Variants in ARMC5 observed in about 807,000 individuals in gnomAD.
The protein encoded by ARMC5 is armadillo repeat-containing protein 5.
In ARMC5, 28 loss-of-function variants were observed where a neutral mutation model predicts 60.5. That is an observed-to-expected ratio of 0.46 (90% CI 0.34 to 0.63). The LOEUF (loss-of-function observed/expected upper bound fraction) is 0.63. Among genes scored for constraint, ARMC5 ranks in the 30% least tolerant of loss-of-function variants. The pLI is 0.01. For missense variants in ARMC5, 1,189 were observed against 1,304.9 expected (o/e 0.91, Z 1.37); for synonymous variants, 680 against 607.3 (o/e 1.12, Z -1.76).
chr16:31,459,572 C>T lies in ARMC5; in HGVS notation c.48C>T (p.Leu16=), dbSNP rs1326597182. The T allele has an allele frequency of 2.5e-6, 4 of 1,604,722 alleles. No individual in the cohort carries two copies. The highest frequency in any genetic ancestry group is 3.4e-6 in the Non-Finnish European group (4 of 1,179,360). The part of the protein sequence containing the change: ...PTLTDSLSFC[L]AQLAAAAGEA... ...TCACGGACTCGCTCTCGTTCTGCCT[C>T]GCGCAGCTCGCGGCGGCGGCCGGGG... Residue 16 remains leucine (L), a synonymous_variant, in exon 1 of 6, where the codon CTC becomes CTT. Coordinates refer to ENST00000268314, the MANE Select transcript of ARMC5 (RefSeq NM_001105247.2).
At position 31,464,916 on chromosome 16, in the gene ARMC5, GC is replaced by G. The variant is rs768159977; in HGVS notation, c.1864+34del. The G allele has an allele frequency of 3.1e-6, 5 of 1,609,604 alleles. No individual in the cohort carries two copies. The South Asian group carries it at 4.4e-5, about 14-fold the overall frequency. On this transcript the variant is annotated intron_variant, in intron 4 of 5. Coordinates refer to ENST00000268314, the MANE Select transcript of ARMC5 (RefSeq NM_001105247.2). The surrounding 1 kb of genome is among the most constrained non-coding windows in gnomAD (Gnocchi z 7.6). ...AGTTCCCATACCCACCCGTCTCCTTGCCCCCATGTGAGTCCCCATCCTCCCC... is the reference window on the plus strand; with the variant it reads ...AGTTCCCATACCCACCCGTCTCCTTGCCCCATGTGAGTCCCCATCCTCCCC...
In ARMC5 at chr16:31,466,700, C is replaced by A; in HGVS notation, c.2619C>A (p.Phe873Leu). The A allele has an allele frequency of 6.4e-7, 1 of 1,561,416 alleles. No individual in the cohort carries two copies. Among genetic ancestry groups the A allele is most frequent in the Non-Finnish European group, 8.7e-7 (1 of 1,153,572 alleles). The part of the protein sequence containing the change: ...QGGPESVGEV[F>L]RLGRPRLAAH... ...GCCCGGAGTCAGTGGGTGAGGTGTT[C>A]CGCCTGGGCCGGCCCCGGCTGGCTG... is the stretch of plus-strand genomic sequence containing the variant. The change falls in exon 6 of 6, where the codon TTC becomes TTA. Residue 873 changes from phenylalanine to leucine, a missense_variant. Phe to Leu is a conservative substitution (Grantham distance 22, BLOSUM62 0). Transcript: ENST00000268314. This position sits in a 1 kb window ranked among gnomAD's most constrained non-coding sequence, Gnocchi z 8.0.
Position 31,459,670 on chromosome 16 carries a change from C to T in ARMC5, c.146C>T (p.Thr49Met). ...PLSRALLALR[T>M]RHIKAAGGIE... Reference sequence around the variant, plus strand: ...AGCCGCGCGCTCCTAGCCCTCCGCACGCGCCACATCAAGGCAGCGGGGGGA... The same window carrying T: ...AGCCGCGCGCTCCTAGCCCTCCGCATGCGCCACATCAAGGCAGCGGGGGGA... The change falls in exon 1 of 6, where the codon ACG becomes ATG. Residue 49 changes from threonine (T) to methionine (M), a missense_variant. Thr to Met is a moderately conservative substitution (Grantham distance 81). Transcript: ENST00000268314. 6.3e-7 allele frequency: 1 copy of T among 1,579,674 alleles called. No homozygotes were observed.
intron 4 of ARMC5, 173 bp from the exon 5 acceptor site, chr16:31,465,677 C>T (rs1327033823): frequency 7.6e-6 from 11 of 1,439,374 alleles, no homozygotes; most frequent in Non-Finnish European, 1.0e-5. Flanking sequence ...ACCTTCTGTC[C>T]TTGTCCTGGA....
In ARMC5 at chr16:31,459,809, G is replaced by T; in HGVS notation, c.285G>T (p.Ser95=). 6.5e-7 allele frequency: 1 copy of T among 1,540,840 alleles called. No homozygotes were observed. Among genetic ancestry groups the T allele is most frequent in the Non-Finnish European group, 8.7e-7 (1 of 1,150,008 alleles). Residue 95 remains serine, a synonymous_variant, in exon 1 of 6, where the codon TCG becomes TCT. Coordinates refer to ENST00000268314, the MANE Select transcript of ARMC5 (RefSeq NM_001105247.2). Reference sequence around the variant, plus strand: ...CAGGCCCCGGCTCCGCCCCCTCGTCGGCCGCGTCGGGAGCTTCTAGCCCCG... The same window carrying T: ...CAGGCCCCGGCTCCGCCCCCTCGTCTGCCGCGTCGGGAGCTTCTAGCCCCG... The part of the protein sequence containing the change: ...SQAGPGSAPS[S]AASGASSPAP...
intron 1 of ARMC5, 56 bp downstream of exon 1, chr16:31,460,055 C>A: frequency 1.3e-6 from 2 of 1,568,694 alleles, no homozygotes; most frequent in South Asian, 1.1e-5. Context: ...CCCTTGCTCT[C>A]TAGACCCGGG....
At chr16:31,458,863 C>T, upstream of ARMC5, 7 of 1,535,478 alleles carry the variant, frequency 4.6e-6, no homozygotes, top group South Asian at 1.2e-5. Context: ...GATGCCAGCT[C>T]CTGAGCTCAC....
rs747589274 is a variant in ARMC5 at position 31,466,184 on chromosome 16, C to T, written c.2103C>T (p.Ala701=). 1.7e-5 allele frequency: 27 copies of T among 1,612,148 alleles called. No homozygotes were observed. The highest frequency in any genetic ancestry group is 3.3e-5 in the Admixed American group (2 of 60,010). Residue 701 remains alanine (A), a synonymous_variant, in exon 6 of 6, where the codon GCC becomes GCT. Coordinates refer to ENST00000268314, the MANE Select transcript of ARMC5 (RefSeq NM_001105247.2). The surrounding 1 kb of genome is among the most constrained non-coding windows in gnomAD (Gnocchi z 8.0). ...PAPHPLFLFF[A]ADSLSCLQDL... is the part of the protein sequence containing the mutation. ...CACACCCGCTCTTCCTCTTCTTTGC[C>T]GCGGACTCCCTTTCCTGCCTCCAAG...
chr16:31,458,394 G>A, upstream of ARMC5: 3 of 1,535,600 alleles, frequency 2.0e-6, no homozygotes, highest in Non-Finnish European at 1.7e-6. Context: ...TAGGGCCGAA[G>A]CGATGGTCAC....
In ARMC5 at chr16:31,466,825, C is replaced by A; in HGVS notation, c.2744C>A (p.Pro915His). Reference protein sequence around the residue: ...LVEAAGEEAGPLTEALLAVVM... With the variant: ...LVEAAGEEAGHLTEALLAVVM... ...GAGGCAGCAGGTGAAGAGGCAGGGC[C>A]CCTGACGGAGGCTTTGCTGGCTGTG... Residue 915 changes from proline to histidine, a missense_variant, in exon 6 of 6, where the codon CCC becomes CAC. Around this residue, in one of 2 missense-constraint regions of ARMC5, gnomAD observed 862 missense variants for 1,071.2 expected, o/e 0.80. Transcript: ENST00000268314. The surrounding 1 kb of genome is among the most constrained non-coding windows in gnomAD (Gnocchi z 8.0). The A allele has an allele frequency of 6.3e-7, 1 of 1,595,336 alleles. No individual in the cohort carries two copies. Among genetic ancestry groups the A allele is most frequent in the Non-Finnish European group, 8.5e-7 (1 of 1,171,810 alleles).
rs372245661 is a variant in ARMC5 at position 31,466,484 on chromosome 16, G to T, written c.2403G>T (p.Trp801Cys). ...PLRGLSPGAAWPVLHHLHGCR... is the reference protein window; with the variant it reads ...PLRGLSPGAACPVLHHLHGCR... ...GAGGTCTGTCGCCTGGTGCAGCCTG[G>T]CCTGTCCTGCATCATTTGCATGGTT... The change falls in exon 6 of 6, where the codon TGG becomes TGT. Residue 801 changes from tryptophan to cysteine, a missense_variant. By Grantham distance (215) the Trp-to-Cys change is radical. Coordinates refer to ENST00000268314, the MANE Select transcript of ARMC5 (RefSeq NM_001105247.2). This position sits in a 1 kb window ranked among gnomAD's most constrained non-coding sequence, Gnocchi z 8.0. 100 of 1,610,956 alleles carry T rather than the reference G, an allele frequency of 6.2e-5. No individual in the cohort carries two copies. Among genetic ancestry groups the T allele is most frequent in the Non-Finnish European group, 8.1e-5 (96 of 1,179,826 alleles).
upstream of ARMC5, chr16:31,458,579 G>A (rs981443922): frequency 2.0e-6 from 3 of 1,480,946 alleles, no homozygotes; most frequent in African/African-American, 1.4e-5. Context: ...CCACATTTCC[G>A]GCACTCGCAG....
rs752321582 is a variant in ARMC5, at chr16:31,464,368, T to C, written c.1371-26T>C. ...CCCTTAACCTTGGCTCTGGGTTCAG[T>C]CTCCTTCCCTTTCTGCCCTCCGCAG... On this transcript the variant is annotated intron_variant, in intron 3 of 5. Transcript: ENST00000268314. The surrounding 1 kb of genome is among the most constrained non-coding windows in gnomAD (Gnocchi z 7.6). 1 of 1,480,256 alleles carries C rather than the reference T, an allele frequency of 6.8e-7. No homozygotes were observed. Among genetic ancestry groups the C allele is most frequent in the South Asian group, 1.4e-5 (1 of 71,770 alleles). 91.7% of individuals were successfully genotyped at this position (1,480,256 alleles called of 1,614,324 possible). A position where few individuals can be genotyped will look rare whatever the true frequency, so the allele number is the denominator to read the frequency against.
Position 31,466,586 on chromosome 16 carries a change from A to T in ARMC5, c.2505A>T (p.Ala835=). Residue 835 remains alanine, a synonymous_variant, in exon 6 of 6, where the codon GCA becomes GCT. Transcript: ENST00000268314. This position sits in a 1 kb window ranked among gnomAD's most constrained non-coding sequence, Gnocchi z 8.0. The stretch of plus-strand genomic sequence containing the variant: ...TGCTGGGTTCAGAGGCCGAGGAGGC[A>T]CTGGAGGCTGCTGGCCGTTTCCTAC... The part of the protein sequence containing the change: ...QPLLGSEAEE[A]LEAAGRFLLP... 2 of 1,608,844 alleles carry T rather than the reference A, an allele frequency of 1.2e-6. No individual in the cohort carries two copies. The highest frequency in any genetic ancestry group is 1.7e-6 in the Non-Finnish European group (2 of 1,178,680).
intron 4 of ARMC5, chr16:31,465,284 G>A: frequency 1.3e-6 from 2 of 1,493,204 alleles, no homozygotes; most frequent in South Asian, 2.8e-5. Context: ...TGTCTGCTGT[G>A]CCCTGACCAC....
At position 31,459,587 on chromosome 16, in the gene ARMC5, G is replaced by A. The variant is rs375181224; in HGVS notation, c.63G>A (p.Ala21=). ...SLSFCLAQLA[A]AAGEALGGEK... is the part of the protein sequence containing the mutation. ...CGTTCTGCCTCGCGCAGCTCGCGGC[G>A]GCGGCCGGGGAGGCTCTGGGTGGGG... Residue 21 remains alanine (A), a synonymous_variant, in exon 1 of 6, where the codon GCG becomes GCA. Transcript: ENST00000268314. 975 of 1,602,860 alleles carry A rather than the reference G, an allele frequency of 6.1e-4. 4 individuals are homozygous for A. The African/African-American group carries it at 0.012, about 19-fold the overall frequency.
rs923197939 is a variant in ARMC5, at chr16:31,467,015, C to T, written c.*126C>T. The T allele has an allele frequency of 7.4e-6, 9 of 1,219,854 alleles. No homozygotes were observed. The highest frequency in any genetic ancestry group is 3.1e-5 in the African/African-American group (2 of 64,362). The allele number at this position is 1,219,854 out of a possible 1,614,324, so 75.6% of individuals were successfully genotyped here. A position where few individuals can be genotyped will look rare whatever the true frequency, so the allele number is the denominator to read the frequency against. ...TGGAGGAGCGGTGAGAACATGGAAC[C>T]GGACTCCAAGATGACGATCTAAAGA... On this transcript the variant is annotated 3_prime_UTR_variant, in exon 6 of 6. Transcript: ENST00000268314.
In ARMC5 at chr16:31,461,803, C is replaced by G. The variant is rs2082305779; in HGVS notation, c.476-119C>G. 4 of 863,846 alleles carry G rather than the reference C, an allele frequency of 4.6e-6. No homozygotes were observed. The South Asian group carries it at 6.2e-5, about 13-fold the overall frequency. 53.5% of individuals were successfully genotyped at this position (863,846 alleles called of 1,614,324 possible). On this transcript the variant is annotated intron_variant, in intron 1 of 5. Coordinates refer to ENST00000268314, the MANE Select transcript of ARMC5 (RefSeq NM_001105247.2). ...GATTACAGGCTTGAGCCACGGTGCC[C>G]TGCCGACCATTAGCCTCTTCTGAAA...
At position 31,464,692 on chromosome 16, in the gene ARMC5, G is replaced by A. The variant is rs372791522; in HGVS notation, c.1669G>A (p.Gly557Ser). Residue 557 changes from glycine (G) to serine (S), a missense_variant, in exon 4 of 6, where the codon GGC becomes AGC. This residue lies in a region of ARMC5 where 862 missense variants were observed against 1,071.2 expected (regional missense o/e 0.80). Transcript: ENST00000268314. The surrounding 1 kb of genome is among the most constrained non-coding windows in gnomAD (Gnocchi z 7.6). Reference sequence around the variant, plus strand: ...GTACGGCCTGCTGACCTATGTGACCGGCGCACCGGGCCCGCCCAGCCCACG... The same window carrying A: ...GTACGGCCTGCTGACCTATGTGACCAGCGCACCGGGCCCGCCCAGCCCACG... ...ALYGLLTYVTGAPGPPSPRAL... is the reference protein window; with the variant it reads ...ALYGLLTYVTSAPGPPSPRAL... The A allele has an allele frequency of 6.3e-6, 10 of 1,598,346 alleles. No homozygotes were observed. The highest frequency in any genetic ancestry group is 1.3e-5 in the African/African-American group (1 of 74,878).
Sources: allele counts gnomAD v4.1 joint callset, GRCh38; gene constraint gnomAD v4.1.1; regional missense constraint gnomAD v4.1.1; non-coding constraint Gnocchi (gnomAD v3.1); transcripts MANE v1.5; gene names NCBI Gene and HGNC (gene_info 2026-07-23, HGNC 2026-07-21).